TNFSF8: variants seen among roughly 807,000 people sequenced by gnomAD.
TNFSF8 encodes tumor necrosis factor ligand superfamily member 8.
A neutral mutation model predicts 22.0 loss-of-function variants in TNFSF8; 4 were observed. That is an observed-to-expected ratio of 0.18 (90% confidence interval 0.09 to 0.42). The LOEUF is 0.42. TNFSF8 is among the 10% of genes least tolerant of loss of function. The probability of loss-of-function intolerance (pLI) is 1.00; values close to 1 mark genes in which losing one functional copy is unlikely to be tolerated. For missense variants in TNFSF8, 233 were observed against 281.8 expected (o/e 0.83, Z 1.24); for synonymous variants, 106 against 112.5 (o/e 0.94, Z 0.37).
intron 3 of TNFSF8, 23 bp from the exon 4 acceptor site, chr9:114,904,348 C>T (rs1368816158): frequency 6.4e-7 from 1 of 1,570,348 alleles, no homozygotes; most frequent in Non-Finnish European, 8.6e-7. Flanking sequence ...GTATAGAAAA[C>T]AGAATTATTG....
At chr9:114,911,154 TC>T (rs1827847743) in intron 2 of TNFSF8, among the ~76,000 whole-genome samples, 1 of 152,360 alleles carries the variant, frequency 6.6e-6, no homozygotes, top group African/African-American at 2.4e-5. Flanking sequence ...GATGAAATGC[TC>T]ATTAAAATGA....
Position 114,930,313 on chromosome 9 carries a change from A to G in TNFSF8, c.-10T>C. 2.0e-6 allele frequency: 3 copies of G among 1,512,458 alleles called. No homozygotes were observed. The highest frequency in any genetic ancestry group is 2.7e-6 in the Non-Finnish European group (3 of 1,126,702). The allele number at this position is 1,512,458 out of a possible 1,614,324, so 93.7% of individuals were successfully genotyped here. On this transcript the variant is annotated 5_prime_UTR_variant, in exon 1 of 4. Coordinates refer to ENST00000223795, the MANE Select transcript of TNFSF8 (RefSeq NM_001244.4). ...GCAGCCCTGGGTCCATTCTTTATAT[A>G]GTCTTCCCCACATCACACCTTATCT...
At chr9:114,922,983 A>G (rs1181532481) in intron 1 of TNFSF8, among the ~76,000 whole-genome samples, 1 of 152,116 alleles carries the variant, frequency 6.6e-6, no homozygotes, top group African/African-American at 2.4e-5. Context: ...AGGCAATCAG[A>G]ACACCTGAGG....
At chr9:114,916,367 G>C (rs988127485) in intron 2 of TNFSF8, among the ~76,000 whole-genome samples, 3 of 152,238 alleles carry the variant, frequency 2.0e-5, no homozygotes, top group African/African-American at 4.8e-5. Flanking sequence ...TATGCTTGGC[G>C]ACTTTGCATT....
intron 3 of TNFSF8, among the ~76,000 whole-genome samples, chr9:114,904,795 G>A (rs1827764779): frequency 6.6e-6 from 1 of 152,286 alleles, no homozygotes; most frequent in African/African-American, 2.4e-5. Context: ...AAAGTACAAG[G>A]TAGGACATTC....
At chr9:114,905,764 A>AT in intron 3 of TNFSF8, 64 bp downstream of exon 3, 1 of 1,286,224 alleles carries the variant, frequency 7.8e-7, no homozygotes, top group Non-Finnish European at 1.1e-6. Flanking sequence ...TCTGGCTTAA[A>AT]AGTTGCTGAA....
chr9:114,893,677 T>C (rs1827627572), exon 5 of TNFSF8: 1 of 173,098 alleles, frequency 5.8e-6, no homozygotes, highest in Admixed American at 5.6e-5. Flanking sequence ...CACCTAAACA[T>C]TGGAAAAGGT....
exon 5 of TNFSF8, chr9:114,894,058 T>G (rs1827631930): frequency 6.5e-7 from 1 of 1,530,636 alleles, no homozygotes; most frequent in South Asian, 1.2e-5. Flanking sequence ...AGTTCTTGTC[T>G]GCAGCAACCA....
chr9:114,901,514 G>C lies in TNFSF8; in HGVS notation c.*2417C>G. On this transcript the variant is annotated 3_prime_UTR_variant, in exon 4 of 4. Transcript: ENST00000223795. ...TGGAATCTTTCTCGAGTTAGAATGT[G>C]AGATGGCAAAAAAATTGCTTAGTTA... The C allele has an allele frequency of 1.0e-6, 1 of 985,222 alleles. No homozygotes were observed. 61.0% of individuals were successfully genotyped at this position (985,222 alleles called of 1,614,324 possible).
Position 114,901,875 on chromosome 9 carries a change from T to G in TNFSF8, c.*2056A>C. On this transcript the variant is annotated 3_prime_UTR_variant, in exon 4 of 4. Coordinates refer to ENST00000223795, the MANE Select transcript of TNFSF8 (RefSeq NM_001244.4). The stretch of plus-strand genomic sequence containing the variant: ...CTTAAAATTTTCCCTTAGCCATTTT[T>G]GTTCTCTCAAGTCCCTTTCATCCAT... 1.0e-6 allele frequency: 1 copy of G among 955,424 alleles called. No individual in the cohort carries two copies. The highest frequency in any genetic ancestry group is 1.2e-6 in the Non-Finnish European group (1 of 802,708). 59.2% of individuals were successfully genotyped at this position (955,424 alleles called of 1,614,324 possible).
Position 114,904,429 on chromosome 9 carries a change from T to C in TNFSF8, c.311-104A>G, listed in dbSNP as rs1171007288. 2.8e-6 allele frequency: 4 copies of C among 1,446,288 alleles called. No homozygotes were observed. In the African/African-American group the frequency reaches 4.3e-5, roughly 16 times the overall value. 89.6% of individuals were successfully genotyped at this position (1,446,288 alleles called of 1,614,324 possible). On this transcript the variant is annotated intron_variant, in intron 3 of 3. Transcript: ENST00000223795. Reference sequence around the variant, plus strand: ...AGTTTCCCATTCAAGACCCATGTTTTCTGTAATGTTCCAATCATCTGAATA... The same window carrying C: ...AGTTTCCCATTCAAGACCCATGTTTCCTGTAATGTTCCAATCATCTGAATA...
intron 1 of TNFSF8, among the ~76,000 whole-genome samples, chr9:114,926,132 A>G (rs906443827): frequency 3.3e-5 from 5 of 152,310 alleles, no homozygotes; most frequent in Admixed American, 1.3e-4. Context: ...ATATTGATGT[A>G]AAGAAGTGTC....
chr9:114,922,283 A>C (rs1827998141), intron 1 of TNFSF8, among the ~76,000 whole-genome samples: 1 of 152,178 alleles, frequency 6.6e-6, no homozygotes, highest in Non-Finnish European at 1.5e-5. Flanking sequence ...ACCAAAAATG[A>C]TCAAAGGCAG....
chr9:114,917,084 G>C (rs1054154816), intron 2 of TNFSF8, among the ~76,000 whole-genome samples: 6 of 152,152 alleles, frequency 3.9e-5, no homozygotes, highest in Admixed American at 6.5e-5. Flanking sequence ...CACAGGAAAG[G>C]CATGGGCAAG....
intron 1 of TNFSF8, among the ~76,000 whole-genome samples, chr9:114,928,777 T>C (rs1828096827): frequency 6.6e-6 from 1 of 152,228 alleles, no homozygotes; most frequent in Non-Finnish European, 1.5e-5. Context: ...CTAAATCAAA[T>C]ATTTGCAACT....
At chr9:114,905,433 C>G (rs947492713) in intron 3 of TNFSF8, among the ~76,000 whole-genome samples, 8 of 151,210 alleles carry the variant, frequency 5.3e-5, no homozygotes, top group African/African-American at 1.7e-4. Flanking sequence ...TTCATAGAGG[C>G]AGAGATTAAG....
At chr9:114,923,839 G>A (rs561313199) in intron 1 of TNFSF8, among the ~76,000 whole-genome samples, 338 of 152,078 alleles carry the variant, frequency 2.2e-3, no homozygotes, top group Non-Finnish European at 3.2e-3. Context: ...TAATGAGAAA[G>A]AAAAAATGTT....
intron 2 of TNFSF8, among the ~76,000 whole-genome samples, chr9:114,911,953 A>C (rs1827856928): frequency 6.6e-6 from 1 of 152,182 alleles, no homozygotes; most frequent in African/African-American, 2.4e-5. Flanking sequence ...ACATAGGGTA[A>C]ATTTTGCTAA....
chr9:114,928,668 C>T (rs1828093437), intron 1 of TNFSF8, among the ~76,000 whole-genome samples: 1 of 152,164 alleles, frequency 6.6e-6, no homozygotes, highest in Non-Finnish European at 1.5e-5. Flanking sequence ...AATTGCAGAG[C>T]CCCTGCAGAA....
Sources: gnomAD v4.1 joint callset for allele counts (sites outside exome capture counted in the v4.1 genomes callset) on GRCh38, gnomAD v4.1.1 for gene constraint, MANE v1.5 for transcripts, NCBI Gene and HGNC (gene_info 2026-07-23, HGNC 2026-07-21) for gene names.